The following CCDC146 variants were observed in gnomAD, a reference collection of about 807,000 sequenced individuals.
CCDC146 encodes the protein coiled-coil domain-containing protein 146.
Under a neutral mutation model 119.3 loss-of-function variants are expected in CCDC146, and 92 were observed. The ratio of observed to expected loss-of-function variants is 0.77; its 90% CI spans 0.65 to 0.92. The LOEUF is 0.92. CCDC146 is among the 40% of genes least tolerant of loss of function. The probability of loss-of-function intolerance (pLI) is 0.00; values close to 1 mark genes in which losing one functional copy is unlikely to be tolerated. For synonymous variants in CCDC146, 372 were observed against 371.8 expected (o/e 1.00, Z -0.01); for missense variants, 1,000 against 1,103.0 (o/e 0.91, Z 1.32).
chr7:77,150,755 A>G (rs553105498), intron 1 of CCDC146, among the ~76,000 whole-genome samples: 1 of 152,338 alleles, frequency 6.6e-6, no homozygotes, highest in South Asian at 2.1e-4. Context: ...CTTGTACTCA[A>G]ATGTTCATAG....
chr7:77,234,252 C>CT (rs11286441), intron 2 of CCDC146, among the ~76,000 whole-genome samples: 86,519 of 147,330 alleles, frequency 0.59, 26,191 homozygotes, highest in South Asian at 0.73. Context: ...TTTGTAAAGG[C>CT]TTTTTTTTTT....
chr7:77,209,516 G>C (rs1013352846), intron 2 of CCDC146, among the ~76,000 whole-genome samples: 2 of 152,234 alleles, frequency 1.3e-5, no homozygotes, highest in Non-Finnish European at 2.9e-5. Context: ...GGTGCAAGCT[G>C]TTGGTGGATC....
At chr7:77,276,632 T>A (rs1472604583) in intron 11 of CCDC146, among the ~76,000 whole-genome samples, 1 of 151,634 alleles carries the variant, frequency 6.6e-6, no homozygotes, top group Non-Finnish European at 1.5e-5. Flanking sequence ...GCAGCAAGAG[T>A]GAAGTTCATG....
intron 2 of CCDC146, among the ~76,000 whole-genome samples, chr7:77,226,402 C>CA (rs1230426271): frequency 2.0e-5 from 3 of 152,224 alleles, no homozygotes; most frequent in Non-Finnish European, 4.4e-5. Flanking sequence ...TGCACACACC[C>CA]ACGCAAACAC....
intron 3 of CCDC146, among the ~76,000 whole-genome samples, chr7:77,240,422 A>C (rs1042821517): frequency 6.6e-6 from 1 of 152,246 alleles, no homozygotes. Flanking sequence ...GATTGATTCC[A>C]GGACCTCCTG....
At chr7:77,227,594 G>A (rs1792539446) in intron 2 of CCDC146, among the ~76,000 whole-genome samples, 1 of 152,084 alleles carries the variant, frequency 6.6e-6, no homozygotes, top group Non-Finnish European at 1.5e-5. Flanking sequence ...CGTGAGCCAC[G>A]GCGCCTGGCC....
At chr7:77,214,184 T>C (rs1021840629) in intron 2 of CCDC146, among the ~76,000 whole-genome samples, 3 of 152,204 alleles carry the variant, frequency 2.0e-5, no homozygotes, top group African/African-American at 7.2e-5. Flanking sequence ...TATCCCATTG[T>C]GGTTTTCATT....
chr7:77,196,292 T>G lies in CCDC146; in HGVS notation c.156+28468T>G, dbSNP rs758447764. On this transcript the variant is annotated intron_variant, in intron 2 of 18. Transcript: ENST00000285871. This position sits in a 1 kb window ranked among gnomAD's most constrained non-coding sequence, Gnocchi z 4.2. ...GAACAGAGTGATTTATGGCTTAAAG[T>G]GCTTGGGTCTGATCATCATCTTAGC... 6.2e-7 allele frequency: 1 copy of G among 1,612,598 alleles called. No individual in the cohort carries two copies. Among genetic ancestry groups the G allele is most frequent in the South Asian group, 1.1e-5 (1 of 90,954 alleles).
chr7:77,224,503 C>T (rs73373630), intron 2 of CCDC146, among the ~76,000 whole-genome samples: 9,588 of 152,258 alleles, frequency 0.063, 803 homozygotes, highest in African/African-American at 0.19. Context: ...AGGGGCCATT[C>T]TTAATCACAT....
At chr7:77,131,672 C>G (rs1185063941) in intron 1 of CCDC146, among the ~76,000 whole-genome samples, 1 of 152,228 alleles carries the variant, frequency 6.6e-6, no homozygotes, top group African/African-American at 2.4e-5. Context: ...GAACCAAGAT[C>G]GTGCCACTGC....
At chr7:77,259,334 G>A in intron 7 of CCDC146, 1 of 351,808 alleles carries the variant, frequency 2.8e-6, no homozygotes, top group Non-Finnish European at 5.2e-6. Flanking sequence ...AAGTTCAATT[G>A]ACTTTAACAG....
At chr7:77,248,509 A>G (rs1792997307) in intron 4 of CCDC146, among the ~76,000 whole-genome samples, 1 of 152,238 alleles carries the variant, frequency 6.6e-6, no homozygotes, top group Non-Finnish European at 1.5e-5. Context: ...TGTTATAACC[A>G]GTGGACATAA....
At chr7:77,228,889 A>G (rs1792569049) in intron 2 of CCDC146, among the ~76,000 whole-genome samples, 1 of 152,228 alleles carries the variant, frequency 6.6e-6, no homozygotes, top group Non-Finnish European at 1.5e-5. Context: ...CAGGTTTATT[A>G]CATAGGTAAA....
At chr7:77,135,735 G>GA (rs948656873) in intron 1 of CCDC146, among the ~76,000 whole-genome samples, 4 of 152,074 alleles carry the variant, frequency 2.6e-5, no homozygotes, top group Admixed American at 1.3e-4. Context: ...CAGAGTGGAT[G>GA]AAAAAAACAA....
At chr7:77,244,080 C>G (rs1792900464) in intron 4 of CCDC146, among the ~76,000 whole-genome samples, 1 of 152,034 alleles carries the variant, frequency 6.6e-6, no homozygotes, top group African/African-American at 2.4e-5. Flanking sequence ...ATTTCACCAT[C>G]TTGGCCAGGG....
chr7:77,250,731 C>T (rs1261498105), intron 4 of CCDC146, among the ~76,000 whole-genome samples: 1 of 151,726 alleles, frequency 6.6e-6, no homozygotes, highest in African/African-American at 2.4e-5. Context: ...AGGAATTTCT[C>T]GTGTTCCTTT....
Position 77,196,914 on chromosome 7 carries a change from C to T in CCDC146, c.156+29090C>T. On this transcript the variant is annotated intron_variant, in intron 2 of 18. Coordinates refer to ENST00000285871, the MANE Select transcript of CCDC146 (RefSeq NM_020879.3). This position sits in a 1 kb window ranked among gnomAD's most constrained non-coding sequence, Gnocchi z 4.2. ...CTACTATTTTTGGGATCAGGTGTAA[C>T]TCTGTAGGTCTCACTGCTTCTTTTG... 1 of 1,613,826 alleles carries T rather than the reference C, an allele frequency of 6.2e-7. No homozygotes were observed. The highest frequency in any genetic ancestry group is 8.5e-7 in the Non-Finnish European group (1 of 1,179,940).
intron 1 of CCDC146, among the ~76,000 whole-genome samples, chr7:77,164,691 A>G (rs549176101): frequency 6.6e-6 from 1 of 152,214 alleles, no homozygotes; most frequent in Non-Finnish European, 1.5e-5. Context: ...GAAACATAAA[A>G]ATTAGTTGTT....
chr7:77,216,178 CTT>C (rs1303728763), intron 2 of CCDC146, among the ~76,000 whole-genome samples: 18 of 152,038 alleles, frequency 1.2e-4, no homozygotes, highest in Non-Finnish European at 1.5e-5. Context: ...TTTGTCCCCT[CTT>C]TTTTGTAATT....
Sources: gnomAD v4.1 joint callset for allele counts (sites outside exome capture counted in the v4.1 genomes callset) on GRCh38, gnomAD v4.1.1 for gene constraint, Gnocchi (gnomAD v3.1) non-coding constraint, MANE v1.5 for transcripts, NCBI Gene and HGNC (gene_info 2026-07-23, HGNC 2026-07-21) for gene names.